Variants in RNF121 observed in about 807,000 individuals in gnomAD.
The protein encoded by RNF121 is E3 ubiquitin ligase RNF121.
A neutral mutation model predicts 46.5 loss-of-function variants in RNF121; 21 were observed. That is an observed-to-expected ratio of 0.45 (90% confidence interval 0.32 to 0.65). The LOEUF (loss-of-function observed/expected upper bound fraction) is 0.65. Ranked by LOEUF, RNF121 falls within the 30% of genes least tolerant of loss-of-function variation. RNF121 has a pLI of 0.04. For missense variants in RNF121, 346 were observed against 416.0 expected (o/e 0.83, Z 1.46); for synonymous variants, 139 against 144.7 (o/e 0.96, Z 0.28).
At chr11:71,929,159 C>T in intron 1 of RNF121, 35 bp downstream of exon 1, 1 of 1,543,510 alleles carries the variant, frequency 6.5e-7, no homozygotes. Context: ...GAGACTCAAC[C>T]TGAGACTGAG....
intron 6 of RNF121, among the ~76,000 whole-genome samples, chr11:71,991,876 A>C (rs772641449): frequency 7.2e-5 from 11 of 151,954 alleles, no homozygotes; most frequent in Non-Finnish European, 1.3e-4. Flanking sequence ...AGGCTGAGGC[A>C]GGCAGATTGC....
chr11:71,945,135 G>A (rs1282667401), intron 1 of RNF121, among the ~76,000 whole-genome samples: 1 of 151,798 alleles, frequency 6.6e-6, no homozygotes, highest in Non-Finnish European at 1.5e-5. Context: ...CTACAGGTGT[G>A]TGCCACCACA....
intron 6 of RNF121, among the ~76,000 whole-genome samples, chr11:71,993,824 C>A (rs553908607): frequency 6.7e-6 from 1 of 149,560 alleles, no homozygotes; most frequent in Non-Finnish European, 1.5e-5. Context: ...ATTCATGAAG[C>A]TTCTTTGACA....
chr11:71,945,853 C>G (rs1377658070), intron 1 of RNF121, among the ~76,000 whole-genome samples: 1 of 152,142 alleles, frequency 6.6e-6, no homozygotes, highest in African/African-American at 2.4e-5. Flanking sequence ...TAGCTTACAC[C>G]TGTAATCCCA....
At chr11:71,979,502 C>A (rs1465397626) in intron 3 of RNF121, among the ~76,000 whole-genome samples, 1 of 152,066 alleles carries the variant, frequency 6.6e-6, no homozygotes, top group African/African-American at 2.4e-5. Context: ...TGATGTATAT[C>A]TCTAGATGTA....
intron 3 of RNF121, among the ~76,000 whole-genome samples, chr11:71,961,432 G>A (rs949559666): frequency 7.2e-5 from 11 of 152,080 alleles, no homozygotes; most frequent in Non-Finnish European, 1.5e-4. Context: ...GTGGTGGCAT[G>A]CGCCTATAGT....
chr11:71,970,871 G>A (rs1954406284), intron 3 of RNF121, among the ~76,000 whole-genome samples: 2 of 151,880 alleles, frequency 1.3e-5, no homozygotes, highest in Non-Finnish European at 2.9e-5. Context: ...CAGATCAGTG[G>A]GACAAAATGC....
At chr11:71,940,351 C>A (rs1432009001) in intron 1 of RNF121, among the ~76,000 whole-genome samples, 2 of 151,958 alleles carry the variant, frequency 1.3e-5, no homozygotes, top group East Asian at 1.9e-4. Flanking sequence ...TAGAAAAAAA[C>A]AAAGTACTGT....
intron 6 of RNF121, among the ~76,000 whole-genome samples, chr11:71,991,268 C>T (rs544571953): frequency 1.3e-5 from 2 of 152,078 alleles, no homozygotes; most frequent in Admixed American, 6.5e-5. Context: ...TCAGATGTAC[C>T]CTATAATTTT....
At chr11:71,951,469 T>C (rs553131139) in intron 1 of RNF121, among the ~76,000 whole-genome samples, 2 of 151,904 alleles carry the variant, frequency 1.3e-5, no homozygotes, top group Non-Finnish European at 2.9e-5. Context: ...TCCTAGCTAC[T>C]TGGGAGGCTG....
intron 3 of RNF121, 133 bp from the exon 4 acceptor site, chr11:71,982,628 G>A: frequency 1.1e-6 from 1 of 918,460 alleles, no homozygotes; most frequent in Non-Finnish European, 1.6e-6. Context: ...GATCACTAGT[G>A]GAGTTAACTT....
chr11:71,985,109 T>G (rs1193524893), intron 4 of RNF121, among the ~76,000 whole-genome samples: 1 of 152,076 alleles, frequency 6.6e-6, no homozygotes, highest in East Asian at 1.9e-4. Flanking sequence ...TTATTTTTAG[T>G]AGAGACAAGG....
intron 1 of RNF121, among the ~76,000 whole-genome samples, chr11:71,948,900 C>G (rs56409948): frequency 6.6e-5 from 10 of 151,418 alleles, no homozygotes; most frequent in Non-Finnish European, 1.2e-4. Context: ...GTATCTGAAC[C>G]CCACCAGATA....
At chr11:71,966,588 C>A (rs1954283330) in intron 3 of RNF121, among the ~76,000 whole-genome samples, 2 of 151,334 alleles carry the variant, frequency 1.3e-5, no homozygotes, top group Admixed American at 6.6e-5. Context: ...CCCAGGCAAT[C>A]CTCCTGCCTC....
intron 1 of RNF121, among the ~76,000 whole-genome samples, chr11:71,951,548 C>A (rs747638953): frequency 2.7e-4 from 41 of 151,406 alleles, no homozygotes; most frequent in Non-Finnish European, 5.2e-4. Flanking sequence ...ATTGCTTGAG[C>A]CCAGGGATTT....
In RNF121 at chr11:71,987,691, A is replaced by G. The variant is rs141151766; in HGVS notation, c.506+580A>G. ...ATGGGCTACAAAACCTAAAATATTT[A>G]CCATCTGGCCCTTTATAGGAAAAGT... On this transcript the variant is annotated intron_variant, in intron 5 of 8. Transcript: ENST00000361756. Among the ~76,000 whole-genome samples the G allele has an allele frequency of 5.4e-3, 826 of 152,356 alleles. 7 individuals carry two copies. The highest frequency in any genetic ancestry group is 8.6e-3 in the Admixed American group (132 of 15,304).
intron 3 of RNF121, among the ~76,000 whole-genome samples, chr11:71,962,941 T>C (rs909793835): frequency 1.3e-5 from 2 of 152,208 alleles, no homozygotes; most frequent in East Asian, 1.9e-4. Flanking sequence ...GTGGTGTTGA[T>C]TTGTATTTCC....
chr11:71,986,716 C>CTG (rs1050712709), intron 4 of RNF121, among the ~76,000 whole-genome samples: 5 of 141,878 alleles, frequency 3.5e-5, no homozygotes, highest in Admixed American at 3.0e-4. Flanking sequence ...TTGCAGTGAG[C>CTG]TGAGATTGTG....
intron 3 of RNF121, among the ~76,000 whole-genome samples, chr11:71,982,151 A>C (rs1717651142): frequency 6.6e-6 from 1 of 151,944 alleles, no homozygotes. Context: ...CAGCCTAGCT[A>C]AGAATGTTGG....
Sources: gnomAD v4.1 joint callset for allele counts (sites outside exome capture counted in the v4.1 genomes callset) on GRCh38, gnomAD v4.1.1 for gene constraint, MANE v1.5 for transcripts, NCBI Gene and HGNC (gene_info 2026-07-23, HGNC 2026-07-21) for gene names.